The following ATRNL1 variants were observed in gnomAD, a reference collection of about 807,000 sequenced individuals.
ATRNL1 encodes the protein attractin-like protein 1.
ATRNL1 carries 95 observed loss-of-function variants against 182.7 expected under a neutral mutation model. The observed-to-expected ratio is 0.52, with a 90% CI of 0.44 to 0.62. The LOEUF (loss-of-function observed/expected upper bound fraction) is 0.62. Among genes scored for constraint, ATRNL1 ranks in the 20% least tolerant of loss-of-function variants. The probability of loss-of-function intolerance (pLI) is 0.00; values close to 1 mark genes in which losing one functional copy is unlikely to be tolerated. For missense variants in ATRNL1, 1,471 were observed against 1,679.5 expected, an observed-to-expected ratio of 0.88 and a Z score of 2.17; for synonymous variants, 576 against 568.3, an observed-to-expected ratio of 1.01 and a Z score of -0.19.
chr10:115,591,123 G>A (rs1321146726), intron 26 of ATRNL1, among the ~76,000 whole-genome samples: 1 of 152,146 alleles, frequency 6.6e-6, no homozygotes, highest in Non-Finnish European at 1.5e-5. Flanking sequence ...TAATACATAC[G>A]TGTATACACA....
intron 17 of ATRNL1, among the ~76,000 whole-genome samples, chr10:115,303,929 T>C (rs191678173): frequency 6.6e-6 from 1 of 152,298 alleles, no homozygotes; most frequent in Non-Finnish European, 1.5e-5. Context: ...AGTTTCCCTC[T>C]CTATACAGGA....
chr10:115,370,636 A>G (rs556296092), intron 19 of ATRNL1, among the ~76,000 whole-genome samples: 22 of 152,376 alleles, frequency 1.4e-4, no homozygotes, highest in Non-Finnish European at 2.4e-4. Context: ...TCTAAGCAGC[A>G]AAGAATTCAA....
chr10:115,828,040 G>A (rs782615461), intron 27 of ATRNL1, among the ~76,000 whole-genome samples: 3 of 151,798 alleles, frequency 2.0e-5, no homozygotes, highest in Non-Finnish European at 2.9e-5. Flanking sequence ...GCCTGAAGCC[G>A]GGCACGGGGG....
intron 21 of ATRNL1, among the ~76,000 whole-genome samples, chr10:115,449,541 G>A (rs1401772590): frequency 5.3e-5 from 8 of 152,158 alleles, no homozygotes; most frequent in Non-Finnish European, 7.4e-5. Flanking sequence ...TAAGCCTTCC[G>A]TGGATGGCAA....
intron 17 of ATRNL1, among the ~76,000 whole-genome samples, chr10:115,313,910 T>C (rs782803624): frequency 3.3e-5 from 5 of 152,256 alleles, no homozygotes; most frequent in Non-Finnish European, 5.9e-5. Flanking sequence ...AGTAACCCAA[T>C]ATACTTTTGA....
At chr10:115,247,534 G>A (rs781855673) in intron 10 of ATRNL1, among the ~76,000 whole-genome samples, 3 of 152,136 alleles carry the variant, frequency 2.0e-5, no homozygotes, top group Non-Finnish European at 4.4e-5. Context: ...AATAACAAAT[G>A]CTGGTGAGGA....
intron 22 of ATRNL1, among the ~76,000 whole-genome samples, chr10:115,464,343 CAG>C (rs35296393): frequency 0.38 from 58,167 of 151,418 alleles, 12,201 homozygotes; most frequent in Middle Eastern, 0.49. Flanking sequence ...TTTTGAAAAA[CAG>C]ATTTAATTTT....
At chr10:115,940,849 A>G (rs1426359131) in intron 28 of ATRNL1, among the ~76,000 whole-genome samples, 1 of 152,190 alleles carries the variant, frequency 6.6e-6, no homozygotes, top group Admixed American at 6.5e-5. Context: ...GGTTCACCTT[A>G]TATTTAACAT....
intron 8 of ATRNL1, among the ~76,000 whole-genome samples, chr10:115,173,266 A>T (rs919739450): frequency 2.0e-5 from 3 of 151,890 alleles, no homozygotes; most frequent in Non-Finnish European, 1.5e-5. Context: ...GAGTTAACAG[A>T]TGTTCTATGT....
At chr10:115,410,007 G>T (rs1315951689) in intron 20 of ATRNL1, among the ~76,000 whole-genome samples, 1 of 151,914 alleles carries the variant, frequency 6.6e-6, no homozygotes, top group African/African-American at 2.4e-5. Context: ...CCTTCATTTT[G>T]TTGATGTGAT....
Position 115,488,372 on chromosome 10 carries a change from G to T in ATRNL1, c.3654+19043G>T, listed in dbSNP as rs909462663. On this transcript the variant is annotated intron_variant, in intron 24 of 28. Coordinates refer to ENST00000355044, the MANE Select transcript of ATRNL1 (RefSeq NM_207303.4). ...GTAGTGGACTTTTTTTGGTTGGTAC[G>T]CTATTAATCAATGCCTCAATTTCAG... Among the ~76,000 whole-genome samples the T allele has an allele frequency of 2.0e-5, 3 of 152,082 alleles. No individual in the cohort carries two copies. The East Asian group carries it at 5.8e-4, about 29-fold the overall frequency.
intron 26 of ATRNL1, among the ~76,000 whole-genome samples, chr10:115,712,425 T>C (rs1947088601): frequency 6.6e-6 from 1 of 152,208 alleles, no homozygotes; most frequent in South Asian, 2.1e-4. Context: ...ATTTTAATCT[T>C]GACATGATAC....
At chr10:115,785,606 T>C (rs1949377814) in intron 27 of ATRNL1, among the ~76,000 whole-genome samples, 1 of 152,246 alleles carries the variant, frequency 6.6e-6, no homozygotes, top group African/African-American at 2.4e-5. Flanking sequence ...GGTTATTAGA[T>C]CTGTTAACCA....
At chr10:115,193,830 G>A (rs1238605247) in intron 8 of ATRNL1, among the ~76,000 whole-genome samples, 5 of 151,186 alleles carry the variant, frequency 3.3e-5, no homozygotes, top group Non-Finnish European at 7.4e-5. Flanking sequence ...TTAATGTAAG[G>A]ATTTATTACT....
chr10:115,455,580 G>A (rs1367514517), intron 21 of ATRNL1, among the ~76,000 whole-genome samples: 2 of 152,090 alleles, frequency 1.3e-5, no homozygotes, highest in Non-Finnish European at 2.9e-5. Flanking sequence ...CATGGGCAAC[G>A]AGTTCATGAC....
intron 21 of ATRNL1, among the ~76,000 whole-genome samples, chr10:115,431,218 C>G (rs1384169588): frequency 1.3e-5 from 2 of 151,926 alleles, no homozygotes; most frequent in East Asian, 3.9e-4. Context: ...ACCAGCCTGA[C>G]CAACATGGAG....
chr10:115,917,469 C>CAA (rs782543961), intron 28 of ATRNL1, among the ~76,000 whole-genome samples: 79,963 of 95,286 alleles, frequency 0.84, 35,005 homozygotes, highest in Non-Finnish European at 0.96. Flanking sequence ...GACTCTGTCT[C>CAA]AAAAAAAAAA....
chr10:115,759,165 G>A (rs2960726), intron 27 of ATRNL1, among the ~76,000 whole-genome samples: 149,890 of 152,286 alleles, frequency 0.98, 73,805 homozygotes, highest in Middle Eastern at 1. Flanking sequence ...TCTGGGTTAG[G>A]CTGAATATAT....
chr10:115,870,703 G>A (rs782176699), intron 28 of ATRNL1, among the ~76,000 whole-genome samples: 5 of 152,094 alleles, frequency 3.3e-5, no homozygotes, highest in African/African-American at 7.2e-5. Flanking sequence ...TTTATGAAAC[G>A]CAGTAAAACA....
Sources: gnomAD v4.1 joint callset for allele counts (sites outside exome capture counted in the v4.1 genomes callset) on GRCh38, gnomAD v4.1.1 for gene constraint, MANE v1.5 for transcripts, NCBI Gene and HGNC (gene_info 2026-07-23, HGNC 2026-07-21) for gene names.